Variants in HMCN2 observed in about 807,000 individuals in gnomAD.
HMCN2 encodes the protein hemicentin-2.
HMCN2 carries 325 observed loss-of-function variants against 377.5 expected under a neutral mutation model. That is an observed-to-expected ratio of 0.86 (90% CI 0.79 to 0.94). The LOEUF is 0.94. Among genes scored for constraint, HMCN2 ranks in the 40% least tolerant of loss-of-function variants. The pLI, the probability that HMCN2 is intolerant of heterozygous loss-of-function variation, is 0.00. For missense variants in HMCN2, 4,543 were observed against 4,725.3 expected, an observed-to-expected ratio of 0.96 and a Z score of 1.13; for synonymous variants, 2,007 against 2,046.8, an observed-to-expected ratio of 0.98 and a Z score of 0.53.
chr9:130,321,160 C>T (rs1837832828), intron 18 of HMCN2, among the ~76,000 whole-genome samples: 1 of 152,156 alleles, frequency 6.6e-6, no homozygotes, highest in Non-Finnish European at 1.5e-5. Flanking sequence ...AATCGTGTGC[C>T]TCAGGAGTGC....
At chr9:130,397,352 A>G (rs1178443568) in intron 73 of HMCN2, among the ~76,000 whole-genome samples, 176 bp from the exon 74 acceptor site, 1 of 152,206 alleles carries the variant, frequency 6.6e-6, no homozygotes, top group African/African-American at 2.4e-5. Context: ...GGTCCCTCCC[A>G]CAACATGTGG....
chr9:130,279,545 G>A (rs1554924899), intron 1 of HMCN2, among the ~76,000 whole-genome samples: 1 of 151,992 alleles, frequency 6.6e-6, no homozygotes, highest in Admixed American at 6.6e-5. Flanking sequence ...TAGAGATGAG[G>A]TTTCACCATG....
chr9:130,377,551 T>G, intron 52 of HMCN2, 98 bp from the exon 53 acceptor site: 1 of 664,840 alleles, frequency 1.5e-6, no homozygotes, highest in Non-Finnish European at 1.9e-6. Context: ...TATGCTGCAT[T>G]TTTGGAGAAT....
chr9:130,354,857 C>A lies in HMCN2; in HGVS notation c.4959C>A (p.His1653Gln). 1 of 1,304,258 alleles carries A rather than the reference C, an allele frequency of 7.7e-7. No individual in the cohort carries two copies. The highest frequency in any genetic ancestry group is 1.0e-6 in the Non-Finnish European group (1 of 988,938). 80.8% of individuals were successfully genotyped at this position (1,304,258 alleles called of 1,614,324 possible). ...PVALECVARG[H>Q]PSPTLSWHHE... ...CGCTGGAGTGCGTGGCCAGAGGCCA[C>A]CCGTCCCCCACCCTCTCCTGGCACC... The change falls in exon 32 of 98, where the codon CAC becomes CAA. Residue 1653 changes from histidine (H) to glutamine (Q), a missense_variant. His to Gln is a conservative substitution (Grantham distance 24, BLOSUM62 0). Coordinates refer to ENST00000683500, the MANE Select transcript of HMCN2 (RefSeq NM_001291815.2).
intron 49 of HMCN2, among the ~76,000 whole-genome samples, chr9:130,375,018 C>T (rs560917069): frequency 3.2e-4 from 48 of 152,190 alleles, no homozygotes; most frequent in Non-Finnish European, 5.9e-4. Context: ...AACTAGGCAT[C>T]TCTCCATCTC....
rs1379667282 is a variant in HMCN2, at chr9:130,433,342, C to T, written c.14895-6C>T. 1.4e-6 allele frequency: 2 copies of T among 1,439,856 alleles called. No homozygotes were observed. Among genetic ancestry groups the T allele is most frequent in the Non-Finnish European group, 1.8e-6 (2 of 1,104,656 alleles). The allele number at this position is 1,439,856 out of a possible 1,614,324, so 89.2% of individuals were successfully genotyped here. A position where few individuals can be genotyped will look rare whatever the true frequency, so the allele number is the denominator to read the frequency against. On this transcript the variant is annotated splice_region_variant and splice_polypyrimidine_tract_variant and intron_variant, in intron 97 of 97. Transcript: ENST00000683500. ...CCGCCTGTCCGTGTGTCTGTGCCGCCCGCAGGACGTGCTTCCGGCGCTGCT... is the reference window on the plus strand; with the variant it reads ...CCGCCTGTCCGTGTGTCTGTGCCGCTCGCAGGACGTGCTTCCGGCGCTGCT...
At chr9:130,373,491 A>C (rs1279656167) in intron 48 of HMCN2, among the ~76,000 whole-genome samples, 1 of 151,836 alleles carries the variant, frequency 6.6e-6, no homozygotes, top group Admixed American at 6.6e-5. Context: ...CTTCTTGAAG[A>C]CCCAGCTGCT....
intron 62 of HMCN2, among the ~76,000 whole-genome samples, chr9:130,389,827 G>A (rs915162169): frequency 1.8e-4 from 27 of 152,096 alleles, no homozygotes; most frequent in African/African-American, 6.3e-4. Context: ...CACCTGCCTC[G>A]GCCTCCCACA....
intron 18 of HMCN2, among the ~76,000 whole-genome samples, chr9:130,321,288 C>T (rs1363957791): frequency 5.3e-5 from 8 of 150,598 alleles, no homozygotes; most frequent in Middle Eastern, 3.4e-3. Flanking sequence ...CCCCAGACAC[C>T]GGCGCGCGCT....
At chr9:130,297,961 T>A (rs1382108216) in intron 7 of HMCN2, among the ~76,000 whole-genome samples, 2 of 152,264 alleles carry the variant, frequency 1.3e-5, no homozygotes, top group Middle Eastern at 3.4e-3. Context: ...ATATCCAAGA[T>A]AATTTTTTTT....
rs1394741166 is a variant in HMCN2 at position 130,433,423 on chromosome 9, G to GCCGCTT, written c.14972_14973insGCTTCC (p.Pro4991_Leu4992dup). ...CGCTGCAGTACCGGCTGCTGCCGCT[G>GCCGCTT]CCCCTGGGCGTGCGCGCCCACCACG... On this transcript the variant is annotated inframe_insertion, in exon 98 of 98. Coordinates refer to ENST00000683500, the MANE Select transcript of HMCN2 (RefSeq NM_001291815.2). The GCCGCTT allele has an allele frequency of 3.3e-6, 5 of 1,492,596 alleles. No homozygotes were observed. The highest frequency in any genetic ancestry group is 2.2e-5 in the Admixed American group (1 of 45,320). The allele number at this position is 1,492,596 out of a possible 1,614,324, so 92.5% of individuals were successfully genotyped here. A position where few individuals can be genotyped will look rare whatever the true frequency, so the allele number is the denominator to read the frequency against.
chr9:130,367,613 C>G (rs1840765163), intron 43 of HMCN2, among the ~76,000 whole-genome samples: 1 of 151,994 alleles, frequency 6.6e-6, no homozygotes. Flanking sequence ...TTTATTGAGC[C>G]TTGCTGTGTG....
At chr9:130,412,542 C>CTT (rs1008020863) in intron 85 of HMCN2, among the ~76,000 whole-genome samples, 2 of 141,690 alleles carry the variant, frequency 1.4e-5, no homozygotes, top group African/African-American at 5.1e-5. Context: ...TCGTCTTTTT[C>CTT]TTTTCTTTTC....
At chr9:130,322,886 A>G (rs1837929410) in intron 19 of HMCN2, among the ~76,000 whole-genome samples, 1 of 152,192 alleles carries the variant, frequency 6.6e-6, no homozygotes, top group Non-Finnish European at 1.5e-5. Flanking sequence ...GTATGTTAAT[A>G]TCGTCTTTTT....
intron 5 of HMCN2, 81 bp from the exon 6 acceptor site, chr9:130,295,585 T>C: frequency 4.9e-6 from 2 of 407,742 alleles, no homozygotes; most frequent in Non-Finnish European, 5.0e-6. Flanking sequence ...TTTGGTGTAC[T>C]GTGGATTCCT....
chr9:130,398,989 A>G (rs1389620976), intron 75 of HMCN2, among the ~76,000 whole-genome samples: 1 of 152,144 alleles, frequency 6.6e-6, no homozygotes, highest in Non-Finnish European at 1.5e-5. Flanking sequence ...GTGGTAGCTC[A>G]CACCTGTAGT....
Position 130,297,452 on chromosome 9 carries a change from C to T in HMCN2, c.1012+658C>T, listed in dbSNP as rs150506636. Reference sequence around the variant, plus strand: ...TCTGGTGCGGGCTGCCTGAGCTCCACGCCAGAAAATACCATCTGGTGGCCA... The same window carrying T: ...TCTGGTGCGGGCTGCCTGAGCTCCATGCCAGAAAATACCATCTGGTGGCCA... On this transcript the variant is annotated intron_variant, in intron 7 of 97. Coordinates refer to ENST00000683500, the MANE Select transcript of HMCN2 (RefSeq NM_001291815.2). Among the ~76,000 whole-genome samples the T allele has an allele frequency of 4.4e-3, 665 of 152,300 alleles. 4 individuals carry two copies. The highest frequency in any genetic ancestry group is 0.012 in the African/African-American group (507 of 41,560).
intron 89 of HMCN2, 42 bp from the exon 90 acceptor site, chr9:130,425,645 T>TCCCCCCCCCCCCCCCCCC: frequency 1.5e-6 from 1 of 683,080 alleles, no homozygotes; most frequent in South Asian, 1.7e-5. Flanking sequence ...TTTCTCCCTC[T>TCCCCCCCCCCCCCCCCCC]CCCCCACCCC....
chr9:130,374,132 TAG>T (rs1017889119), intron 48 of HMCN2, among the ~76,000 whole-genome samples: 9 of 149,770 alleles, frequency 6.0e-5, no homozygotes, highest in Non-Finnish European at 3.0e-5. Flanking sequence ...TGTGGACGAA[TAG>T]AGAGATGAAT....
Sources: allele counts gnomAD v4.1 joint callset (sites outside exome capture counted in the v4.1 genomes callset), GRCh38; gene constraint gnomAD v4.1.1; transcripts MANE v1.5; gene names NCBI Gene and HGNC (gene_info 2026-07-23, HGNC 2026-07-21).